Variants in MCTP1 observed in about 807,000 individuals in gnomAD.
MCTP1 encodes multiple C2 and transmembrane domain containing 1.
A neutral mutation model predicts 120.6 loss-of-function variants in MCTP1; 69 were observed. That is an observed-to-expected ratio of 0.57 (90% CI 0.47 to 0.70). The LOEUF is 0.70. MCTP1 is among the 30% of genes least tolerant of loss of function. The probability of loss-of-function intolerance (pLI) is 0.00; values close to 1 mark genes in which losing one functional copy is unlikely to be tolerated. For missense variants in MCTP1, 1,203 were observed against 1,248.8 expected (o/e 0.96, Z 0.55); for synonymous variants, 529 against 493.1 (o/e 1.07, Z -0.96).
chr5:94,998,236 G>A (rs765263394), intron 2 of MCTP1, among the ~76,000 whole-genome samples: 7 of 152,142 alleles, frequency 4.6e-5, no homozygotes, highest in Non-Finnish European at 8.8e-5. Context: ...GATATGTTGA[G>A]ACAAACTAAA....
intron 6 of MCTP1, 125 bp downstream of exon 6, chr5:94,931,828 G>T: frequency 1.4e-6 from 1 of 735,354 alleles, no homozygotes; most frequent in South Asian, 1.8e-5. Context: ...AAATTTATGG[G>T]GAAAAGTAAC....
intron 1 of MCTP1, among the ~76,000 whole-genome samples, chr5:95,062,407 C>T (rs1219887800): frequency 6.6e-6 from 1 of 152,142 alleles, no homozygotes. Flanking sequence ...CTCTTGGTGT[C>T]TGTATCTCTA....
In MCTP1 at chr5:95,249,250, T is replaced by G. The variant is rs186701703; in HGVS notation, c.720+34606A>C. Reference sequence around the variant, plus strand: ...AACCTACAGAATGGGAGAAAATCTTTGCAATCTACCCATCTGACAAAGGGC... The same window carrying G: ...AACCTACAGAATGGGAGAAAATCTTGGCAATCTACCCATCTGACAAAGGGC... On this transcript the variant is annotated intron_variant, in intron 1 of 22. Transcript: ENST00000515393. Among the ~76,000 whole-genome samples, 10 of 152,252 alleles carry G rather than the reference T, an allele frequency of 6.6e-5. 1 individual carries two copies. Among genetic ancestry groups the G allele is most frequent in the Admixed American group, 6.5e-4 (10 of 15,296 alleles).
intron 1 of MCTP1, among the ~76,000 whole-genome samples, chr5:95,082,981 T>C (rs185494694): frequency 2.6e-5 from 4 of 152,326 alleles, no homozygotes; most frequent in Admixed American, 1.3e-4. Flanking sequence ...TCCTTTATAG[T>C]ACATCACAGT....
chr5:95,185,744 T>C (rs1383143376), intron 1 of MCTP1, among the ~76,000 whole-genome samples: 1 of 151,718 alleles, frequency 6.6e-6, no homozygotes, highest in Non-Finnish European at 1.5e-5. Flanking sequence ...ACGCCTGTAA[T>C]CCCAGCACTT....
chr5:94,798,593 T>A (rs1290137537), intron 18 of MCTP1, among the ~76,000 whole-genome samples: 3 of 152,156 alleles, frequency 2.0e-5, no homozygotes, highest in African/African-American at 7.2e-5. Context: ...AATCCTTCAT[T>A]CTTCCAATGA....
chr5:95,029,865 C>T (rs192735131), intron 1 of MCTP1, among the ~76,000 whole-genome samples: 1 of 152,328 alleles, frequency 6.6e-6, no homozygotes, highest in East Asian at 1.9e-4. Context: ...TGTGGTTTCT[C>T]TGCCCTTGAG....
chr5:94,999,517 G>A (rs1341867879), intron 2 of MCTP1, among the ~76,000 whole-genome samples: 1 of 152,196 alleles, frequency 6.6e-6, no homozygotes, highest in Non-Finnish European at 1.5e-5. Context: ...TCTATTAACT[G>A]CTGAGAACAG....
At chr5:94,887,095 G>A (rs1200313482) in intron 12 of MCTP1, among the ~76,000 whole-genome samples, 1 of 152,060 alleles carries the variant, frequency 6.6e-6, no homozygotes, top group African/African-American at 2.4e-5. Flanking sequence ...TCAATTCAGA[G>A]CACATTAGAT....
chr5:95,139,524 T>G (rs1424710384), intron 1 of MCTP1, among the ~76,000 whole-genome samples: 2 of 152,216 alleles, frequency 1.3e-5, no homozygotes, highest in Non-Finnish European at 2.9e-5. Flanking sequence ...CCCCTTTTTT[T>G]CCAAAGCTAT....
At chr5:94,868,573 A>AAAATACC in intron 16 of MCTP1, 121 bp from the exon 17 acceptor site, 1 of 635,228 alleles carries the variant, frequency 1.6e-6, no homozygotes, top group Non-Finnish European at 2.3e-6. Context: ...AAGTTACAAG[A>AAAATACC]AAATACCAAA....
intron 1 of MCTP1, among the ~76,000 whole-genome samples, chr5:95,054,244 C>A (rs1746768857): frequency 6.6e-6 from 1 of 152,150 alleles, no homozygotes; most frequent in Non-Finnish European, 1.5e-5. Context: ...AGTAGTGGAG[C>A]CAAGACTAGC....
intron 1 of MCTP1, among the ~76,000 whole-genome samples, chr5:95,102,639 G>A (rs1468922933): frequency 6.6e-6 from 1 of 152,128 alleles, no homozygotes; most frequent in Non-Finnish European, 1.5e-5. Flanking sequence ...AGAACCCAGG[G>A]ACTAGCAGAA....
Position 95,284,628 on chromosome 5 carries a change from TCTC to T in MCTP1, c.-56_-54del, listed in dbSNP as rs998501263. On this transcript the variant is annotated 5_prime_UTR_variant, in exon 1 of 23. Coordinates refer to ENST00000515393, the MANE Select transcript of MCTP1 (RefSeq NM_024717.7). The surrounding 1 kb of genome is among the most constrained non-coding windows in gnomAD (Gnocchi z 5.2). ...TCCTCCTCCTCCTCCTCCTCCTGCT[TCTC>T]CTCCCTCTTCGGCTGCACCTCCTCC... 1.2e-5 allele frequency: 16 copies of T among 1,318,300 alleles called. No homozygotes were observed. In the African/African-American group the frequency reaches 2.2e-4, roughly 18 times the overall value. The allele number at this position is 1,318,300 out of a possible 1,614,324, so 81.7% of individuals were successfully genotyped here.
intron 2 of MCTP1, among the ~76,000 whole-genome samples, chr5:94,970,813 T>A (rs1196864386): frequency 2.6e-5 from 4 of 151,646 alleles, no homozygotes; most frequent in Non-Finnish European, 5.9e-5. Context: ...CAGAATATTT[T>A]AAAAAATAGA....
intron 1 of MCTP1, among the ~76,000 whole-genome samples, chr5:95,092,176 GTTGTT>G (rs1298944879): frequency 6.6e-6 from 1 of 152,040 alleles, no homozygotes; most frequent in Non-Finnish European, 1.5e-5. Flanking sequence ...TTTTGTTGTT[GTTGTT>G]TTATTTTGTT....
intron 2 of MCTP1, among the ~76,000 whole-genome samples, chr5:95,008,462 C>G (rs977572724): frequency 1.6e-4 from 25 of 152,150 alleles, no homozygotes; most frequent in Admixed American, 1.6e-3. Flanking sequence ...GAGTTCATCA[C>G]AGGGGGCAGG....
intron 19 of MCTP1, among the ~76,000 whole-genome samples, chr5:94,716,960 C>T (rs1421413803): frequency 1.3e-5 from 2 of 151,896 alleles, no homozygotes; most frequent in Non-Finnish European, 2.9e-5. Context: ...ATATGGGCAT[C>T]AAAAGATTGG....
intron 1 of MCTP1, among the ~76,000 whole-genome samples, chr5:95,080,974 T>A (rs1345832687): frequency 6.6e-6 from 1 of 152,224 alleles, no homozygotes; most frequent in African/African-American, 2.4e-5. Flanking sequence ...TAATAATTAC[T>A]AAGACTACTT....
Sources: allele counts gnomAD v4.1 joint callset (sites outside exome capture counted in the v4.1 genomes callset), GRCh38; gene constraint gnomAD v4.1.1; non-coding constraint Gnocchi (gnomAD v3.1); transcripts MANE v1.5; gene names NCBI Gene and HGNC (gene_info 2026-07-23, HGNC 2026-07-21).